The following ERBB4 variants were observed in gnomAD, a reference collection of about 807,000 sequenced individuals.
ERBB4 encodes the protein erb-b2 receptor tyrosine kinase 4, also known as receptor tyrosine-protein kinase erbB-4.
In ERBB4, 42 loss-of-function variants were observed where a neutral mutation model predicts 158.0. The observed-to-expected ratio is 0.27, with a 90% CI of 0.21 to 0.34. ERBB4 has a LOEUF of 0.34. ERBB4 is among the 10% of genes least tolerant of loss of function. The pLI, the probability that ERBB4 is intolerant of heterozygous loss-of-function variation, is 1.00. For missense variants in ERBB4, 1,333 were observed against 1,624.1 expected, an observed-to-expected ratio of 0.82 and a Z score of 3.08; for synonymous variants, 583 against 558.7, an observed-to-expected ratio of 1.04 and a Z score of -0.61.
At chr2:212,295,158 G>GAT (rs1339528623) in intron 1 of ERBB4, among the ~76,000 whole-genome samples, 10 of 152,062 alleles carry the variant, frequency 6.6e-5, no homozygotes, top group African/African-American at 2.4e-4. Context: ...TTAAAAGTCT[G>GAT]ATATATTGAT....
chr2:211,917,089 C>G (rs2079715163), intron 3 of ERBB4, among the ~76,000 whole-genome samples: 1 of 152,096 alleles, frequency 6.6e-6, no homozygotes, highest in African/African-American at 2.4e-5. Flanking sequence ...ATTTTAAAGC[C>G]AAGATCCTCT....
intron 3 of ERBB4, among the ~76,000 whole-genome samples, chr2:211,944,155 ATATATACAC>A (rs2080590519): frequency 7.7e-6 from 1 of 129,120 alleles, no homozygotes; most frequent in African/African-American, 2.9e-5. Context: ...TATACACTAT[ATATATACAC>A]TATATATATA....
intron 2 of ERBB4, among the ~76,000 whole-genome samples, chr2:211,959,522 T>C (rs187390970): frequency 1.8e-3 from 276 of 152,240 alleles, no homozygotes; most frequent in Non-Finnish European, 3.0e-3. Flanking sequence ...GACATAATTG[T>C]TACTTAGAGA....
In ERBB4 at chr2:212,180,941, C is replaced by A. The variant is rs980539717; in HGVS notation, c.83-56038G>T. Among the ~76,000 whole-genome samples, 11 of 151,774 alleles carry A rather than the reference C, an allele frequency of 7.2e-5. No individual in the cohort carries two copies. The East Asian group carries it at 2.1e-3, about 29-fold the overall frequency. ...TTATACTAATTACTAGTACTTAACT[C>A]CTAGTAGTGCTTTTATTTTATGATC... On this transcript the variant is annotated intron_variant, in intron 1 of 27. Coordinates refer to ENST00000342788, the MANE Select transcript of ERBB4 (RefSeq NM_005235.3).
At chr2:212,048,304 C>T (rs776166137) in intron 2 of ERBB4, among the ~76,000 whole-genome samples, 5 of 152,160 alleles carry the variant, frequency 3.3e-5, no homozygotes, top group Non-Finnish European at 5.9e-5. Context: ...GGAGTGATGA[C>T]ACTGTGTAAT....
chr2:212,130,687 T>C (rs1224436536), intron 1 of ERBB4, among the ~76,000 whole-genome samples: 2 of 152,132 alleles, frequency 1.3e-5, no homozygotes, highest in Non-Finnish European at 2.9e-5. Context: ...TTGCGAGATA[T>C]CAGTTTATCA....
intron 12 of ERBB4, among the ~76,000 whole-genome samples, chr2:211,699,197 A>C (rs1169390631): frequency 6.6e-6 from 1 of 152,158 alleles, no homozygotes; most frequent in South Asian, 2.1e-4. Flanking sequence ...GTGTGTATGC[A>C]CGGATATGTT....
intron 3 of ERBB4, among the ~76,000 whole-genome samples, chr2:211,855,785 T>C (rs937689896): frequency 3.9e-5 from 6 of 152,116 alleles, no homozygotes; most frequent in African/African-American, 1.4e-4. Context: ...TCCTTGGGCC[T>C]TTGCAATCTT....
At chr2:211,938,986 T>C (rs905784437) in intron 3 of ERBB4, among the ~76,000 whole-genome samples, 5 of 152,198 alleles carry the variant, frequency 3.3e-5, no homozygotes, top group African/African-American at 9.7e-5. Context: ...ACAGTGGCTA[T>C]AGGATGAGTA....
chr2:211,861,111 TTATATATATATTTTATATATATA>T (rs2078023606), intron 3 of ERBB4, among the ~76,000 whole-genome samples: 1 of 21,532 alleles, frequency 4.6e-5, no homozygotes, highest in Non-Finnish European at 7.7e-5. Context: ...TTATATATAT[TTATATATATATTTTATATATATA>T]TATATATATA....
At chr2:211,414,526 AAAGAAAAG>A (rs1395620603) in intron 25 of ERBB4, among the ~76,000 whole-genome samples, 1 of 149,408 alleles carries the variant, frequency 6.7e-6, no homozygotes, top group African/African-American at 2.5e-5. Flanking sequence ...AAAAAAAAGA[AAAGAAAAG>A]AAGAAAAGAA....
chr2:211,443,765 T>C (rs77488258), intron 20 of ERBB4, among the ~76,000 whole-genome samples: 9,294 of 152,082 alleles, frequency 0.061, 685 homozygotes, highest in African/African-American at 0.17. Context: ...TCTGCCAATA[T>C]CTTCATCTAT....
At chr2:212,167,052 A>C (rs1034064863) in intron 1 of ERBB4, among the ~76,000 whole-genome samples, 2 of 152,184 alleles carry the variant, frequency 1.3e-5, no homozygotes, top group Non-Finnish European at 1.5e-5. Context: ...AATGACAAAA[A>C]CACCAAAAGC....
chr2:211,857,388 C>A (rs960903672), intron 3 of ERBB4, among the ~76,000 whole-genome samples: 1 of 152,132 alleles, frequency 6.6e-6, no homozygotes, highest in African/African-American at 2.4e-5. Flanking sequence ...TGAAATTCTG[C>A]TCCTAAAAGT....
At chr2:211,821,376 C>G (rs758378917) in intron 3 of ERBB4, among the ~76,000 whole-genome samples, 1 of 151,760 alleles carries the variant, frequency 6.6e-6, no homozygotes, top group Non-Finnish European at 1.5e-5. Flanking sequence ...GAAGAGGATA[C>G]AAACAAAAGA....
At chr2:211,800,919 T>C (rs1039069361) in intron 3 of ERBB4, among the ~76,000 whole-genome samples, 2 of 152,208 alleles carry the variant, frequency 1.3e-5, no homozygotes, top group African/African-American at 2.4e-5. Context: ...TGCTTAGTGT[T>C]TGAAAGCTCT....
intron 20 of ERBB4, among the ~76,000 whole-genome samples, chr2:211,532,536 G>A (rs2066528879): frequency 1.3e-5 from 2 of 151,908 alleles, no homozygotes; most frequent in Non-Finnish European, 2.9e-5. Context: ...GAGAATCTGG[G>A]AGAAAAAAGG....
At chr2:212,091,353 A>T (rs2078769145) in intron 2 of ERBB4, among the ~76,000 whole-genome samples, 1 of 152,172 alleles carries the variant, frequency 6.6e-6, no homozygotes, top group Admixed American at 6.6e-5. Flanking sequence ...TTGAGCTCTT[A>T]TTCTACCAGG....
chr2:212,442,675 T>C (rs1023510673), intron 1 of ERBB4, among the ~76,000 whole-genome samples: 2 of 152,152 alleles, frequency 1.3e-5, no homozygotes, highest in Non-Finnish European at 2.9e-5. Flanking sequence ...AGTGCCAGAA[T>C]GCATAATTGG....
Sources: allele counts gnomAD v4.1 joint callset (sites outside exome capture counted in the v4.1 genomes callset), GRCh38; gene constraint gnomAD v4.1.1; transcripts MANE v1.5; gene names NCBI Gene and HGNC (gene_info 2026-07-23, HGNC 2026-07-21).